MARCHF10: variants seen among roughly 807,000 people sequenced by gnomAD.
MARCHF10 encodes the protein membrane associated ring-CH-type finger 10.
In MARCHF10, 64 loss-of-function variants were observed where a neutral mutation model predicts 76.2. That is an observed-to-expected ratio of 0.84 (90% confidence interval 0.69 to 1.03). MARCHF10 has a LOEUF of 1.03. Among genes scored for constraint, MARCHF10 ranks in the 50% least tolerant of loss-of-function variants. The pLI is 0.00. For synonymous variants in MARCHF10, 340 were observed against 357.5 expected, an observed-to-expected ratio of 0.95 and a Z score of 0.55; for missense variants, 875 against 958.0, an observed-to-expected ratio of 0.91 and a Z score of 1.14.
intron 10 of MARCHF10, among the ~76,000 whole-genome samples, chr17:62,704,085 T>G (rs923367524): frequency 1.3e-5 from 2 of 151,650 alleles, no homozygotes; most frequent in Non-Finnish European, 2.9e-5. Context: ...TGCTGCCCTG[T>G]CCTCCCGGCC....
At chr17:62,731,376 C>G (rs1463776888) in intron 6 of MARCHF10, among the ~76,000 whole-genome samples, 1 of 152,164 alleles carries the variant, frequency 6.6e-6, no homozygotes, top group African/African-American at 2.4e-5. Flanking sequence ...GATTCTCCCA[C>G]TTCAGCCTCC....
At chr17:62,721,466 T>C (rs2090483377) in intron 8 of MARCHF10, among the ~76,000 whole-genome samples, 1 of 152,164 alleles carries the variant, frequency 6.6e-6, no homozygotes, top group African/African-American at 2.4e-5. Flanking sequence ...ACAAGTGGCT[T>C]GTGACTTCTA....
At chr17:62,705,146 C>G in intron 10 of MARCHF10, 1 of 1,168,644 alleles carries the variant, frequency 8.6e-7, no homozygotes, top group East Asian at 6.5e-5. Flanking sequence ...AAGGGCCAGA[C>G]AGCCCCTGCC....
At chr17:62,803,443 G>C (rs980954304) in intron 1 of MARCHF10, among the ~76,000 whole-genome samples, 2 of 152,198 alleles carry the variant, frequency 1.3e-5, no homozygotes, top group African/African-American at 2.4e-5. Context: ...ATGGCAACCA[G>C]CATCGGGTAG....
intron 5 of MARCHF10, among the ~76,000 whole-genome samples, chr17:62,740,002 C>T (rs2091446994): frequency 6.6e-6 from 1 of 151,932 alleles, no homozygotes; most frequent in African/African-American, 2.4e-5. Flanking sequence ...CCTGTCTCGT[C>T]ACCACAATGG....
At chr17:62,720,065 G>A (rs2090406851) in intron 8 of MARCHF10, among the ~76,000 whole-genome samples, 1 of 152,074 alleles carries the variant, frequency 6.6e-6, no homozygotes, top group African/African-American at 2.4e-5. Flanking sequence ...CTGCCCATCT[G>A]TTCTTAAGTG....
At chr17:62,706,051 C>G (rs573820127) in intron 9 of MARCHF10, among the ~76,000 whole-genome samples, 3 of 152,264 alleles carry the variant, frequency 2.0e-5, no homozygotes, top group African/African-American at 7.2e-5. Flanking sequence ...CATTTTATGC[C>G]ACAATAAGAA....
chr17:62,802,974 A>G (rs1464489131), intron 1 of MARCHF10, among the ~76,000 whole-genome samples: 1 of 152,188 alleles, frequency 6.6e-6, no homozygotes, highest in African/African-American at 2.4e-5. Context: ...TCTTTTTCTT[A>G]GAGACAAGAT....
chr17:62,737,079 C>T lies in MARCHF10; in HGVS notation c.789G>A (p.Gly263=), dbSNP rs2091303510. Residue 263 remains glycine, a synonymous_variant, in exon 6 of 11, where the codon GGG becomes GGA. Transcript: ENST00000311269. The part of the protein sequence containing the change: ...GPPLTPTTVG[G]PRKASFRFRD... The stretch of plus-strand genomic sequence containing the variant: ...GGAACCTAAATGATGCCTTTCTTGG[C>T]CCTCCTACAGTGGTGGGTGTGAGTG... The T allele has an allele frequency of 6.2e-7, 1 of 1,613,950 alleles. No homozygotes were observed. Among genetic ancestry groups the T allele is most frequent in the African/African-American group, 1.3e-5 (1 of 74,878 alleles).
intron 6 of MARCHF10, 97 bp downstream of exon 6, chr17:62,735,834 A>C: frequency 8.6e-7 from 1 of 1,165,614 alleles, no homozygotes; most frequent in South Asian, 1.5e-5. Flanking sequence ...GGAAGGACCC[A>C]TTTATGACTT....
At chr17:62,780,084 G>A (rs945053573) in intron 3 of MARCHF10, among the ~76,000 whole-genome samples, 2 of 151,028 alleles carry the variant, frequency 1.3e-5, no homozygotes, top group Admixed American at 6.6e-5. Flanking sequence ...GTGACAGAGC[G>A]AGACTCGGTC....
chr17:62,800,101 C>G (rs1012412065), intron 2 of MARCHF10, among the ~76,000 whole-genome samples: 2 of 152,174 alleles, frequency 1.3e-5, no homozygotes, highest in African/African-American at 4.8e-5. Flanking sequence ...TAAGTCCTTC[C>G]CCCTCTTAAT....
intron 4 of MARCHF10, chr17:62,747,098 T>C (rs928545796): frequency 7.0e-6 from 5 of 718,868 alleles, no homozygotes; most frequent in Non-Finnish European, 1.2e-5. Context: ...TCCTTAAGAA[T>C]GAGGATCGTC....
rs531118754 is a variant in MARCHF10, at chr17:62,801,476, T to C, written c.90+170A>G. ...CTATCCCCGTTTTTTTTTTTTTTTT[T>C]ACAGACGAGGATACAGAGAGGTGAA... is the stretch of plus-strand genomic sequence containing the variant. On this transcript the variant is annotated intron_variant, in intron 2 of 10. Coordinates refer to ENST00000311269, the MANE Select transcript of MARCHF10 (RefSeq NM_152598.4). Among the ~76,000 whole-genome samples, 1,343 of 151,754 alleles carry C rather than the reference T, an allele frequency of 8.8e-3. 7 individuals are homozygous for C. The highest frequency in any genetic ancestry group is 0.014 in the Non-Finnish European group (920 of 67,896).
In MARCHF10 at chr17:62,711,391, T is replaced by A. The variant is rs375369864; in HGVS notation, c.2215-47A>T. ...CTTCAGTTCATCTGTAAAATAGTCATGGTCTAAATTGTGGGATGCAGGGTA... is the reference window on the plus strand; with the variant it reads ...CTTCAGTTCATCTGTAAAATAGTCAAGGTCTAAATTGTGGGATGCAGGGTA... On this transcript the variant is annotated intron_variant, in intron 8 of 10. Coordinates refer to ENST00000311269, the MANE Select transcript of MARCHF10 (RefSeq NM_152598.4). This position sits in a 1 kb window ranked among gnomAD's most constrained non-coding sequence, Gnocchi z 4.4. 6.3e-5 allele frequency: 99 copies of A among 1,568,114 alleles called. No homozygotes were observed. The highest frequency in any genetic ancestry group is 8.5e-5 in the Non-Finnish European group (97 of 1,139,954).
Position 62,705,579 on chromosome 17 carries a change from C to G in MARCHF10, c.2331G>C (p.Leu777Phe). 4 of 1,613,998 alleles carry G rather than the reference C, an allele frequency of 2.5e-6. No individual in the cohort carries two copies. Among genetic ancestry groups the G allele is most frequent in the Non-Finnish European group, 3.4e-6 (4 of 1,179,962 alleles). ...LNHNQVERERLSRNYPQPRTE... is the reference protein window; with the variant it reads ...LNHNQVERERFSRNYPQPRTE... ...TTCTGGGTTGTGGGTAATTTCTTGA[C>G]AACTACAAGAAAGAAGACAATGAGA... The change falls in exon 10 of 11, where the codon TTG (leucine) becomes TTC (phenylalanine). Residue 777 changes from leucine to phenylalanine, a missense_variant and splice_region_variant. By Grantham distance (22) the Leu-to-Phe change is conservative (BLOSUM62 0). Coordinates refer to ENST00000311269, the MANE Select transcript of MARCHF10 (RefSeq NM_152598.4).
intron 6 of MARCHF10, among the ~76,000 whole-genome samples, chr17:62,728,197 A>T (rs1477576301): frequency 2.7e-5 from 4 of 150,780 alleles, no homozygotes; most frequent in East Asian, 2.0e-4. Context: ...GCTAATTTTA[A>T]TTTTTTTTTT....
intron 5 of MARCHF10, among the ~76,000 whole-genome samples, chr17:62,744,169 T>G (rs1302188273): frequency 6.6e-6 from 1 of 152,112 alleles, no homozygotes; most frequent in Non-Finnish European, 1.5e-5. Context: ...CGCCTTCCCC[T>G]TTTCCCACCA....
chr17:62,717,384 T>C (rs2090264569), intron 8 of MARCHF10, among the ~76,000 whole-genome samples: 1 of 152,254 alleles, frequency 6.6e-6, no homozygotes, highest in African/African-American at 2.4e-5. Context: ...CTTGTGAAGT[T>C]CTCACTGAAA....
Sources: allele counts gnomAD v4.1 joint callset (sites outside exome capture counted in the v4.1 genomes callset), GRCh38; gene constraint gnomAD v4.1.1; non-coding constraint Gnocchi (gnomAD v3.1); transcripts MANE v1.5; gene names NCBI Gene and HGNC (gene_info 2026-07-23, HGNC 2026-07-21).